DGKB: variants seen among roughly 807,000 people sequenced by gnomAD.
DGKB encodes the protein 90 kDa diacylglycerol kinase.
DGKB carries 67 observed loss-of-function variants against 114.3 expected under a neutral mutation model. That is an observed-to-expected ratio of 0.59 (90% CI 0.48 to 0.72). The LOEUF (loss-of-function observed/expected upper bound fraction) is 0.72. Among genes scored for constraint, DGKB ranks in the 30% least tolerant of loss-of-function variants. The pLI, the probability that DGKB is intolerant of heterozygous loss-of-function variation, is 0.00. For missense variants in DGKB, 907 were observed against 975.2 expected, an observed-to-expected ratio of 0.93 and a Z score of 0.93; for synonymous variants, 398 against 323.1, an observed-to-expected ratio of 1.23 and a Z score of -2.49.
intron 23 of DGKB, among the ~76,000 whole-genome samples, chr7:14,279,153 C>T (rs953692794): frequency 2.6e-5 from 4 of 152,194 alleles, no homozygotes; most frequent in African/African-American, 7.2e-5. Context: ...CACTCCCACC[C>T]GAATACTGCG....
At chr7:14,752,863 G>A (rs1256934700) in intron 4 of DGKB, among the ~76,000 whole-genome samples, 1 of 152,082 alleles carries the variant, frequency 6.6e-6, no homozygotes, top group East Asian at 1.9e-4. Flanking sequence ...TAGAGTAAAT[G>A]AAAACAAATC....
chr7:14,179,743 T>C (rs1010315863), intron 23 of DGKB, among the ~76,000 whole-genome samples: 1 of 152,214 alleles, frequency 6.6e-6, no homozygotes, highest in Non-Finnish European at 1.5e-5. Flanking sequence ...ACCAAACTTT[T>C]AAGTGAATAA....
intron 23 of DGKB, among the ~76,000 whole-genome samples, chr7:14,233,176 C>T (rs1394858574): frequency 6.6e-6 from 1 of 152,000 alleles, no homozygotes; most frequent in Non-Finnish European, 1.5e-5. Context: ...TAAGAAGGGA[C>T]TTGCCTTAAG....
intron 20 of DGKB, among the ~76,000 whole-genome samples, chr7:14,538,629 G>C (rs1217734224): frequency 1.3e-5 from 2 of 152,068 alleles, no homozygotes; most frequent in African/African-American, 4.8e-5. Flanking sequence ...TCCCACTTTT[G>C]AATATGTATC....
At chr7:14,890,446 T>A (rs984538293) in intron 1 of DGKB, among the ~76,000 whole-genome samples, 2 of 151,424 alleles carry the variant, frequency 1.3e-5, no homozygotes, top group African/African-American at 2.4e-5. Context: ...TCTCATTAGA[T>A]AATATTTACT....
chr7:14,448,330 A>C (rs1276414456), intron 21 of DGKB, among the ~76,000 whole-genome samples: 1 of 152,038 alleles, frequency 6.6e-6, no homozygotes, highest in Non-Finnish European at 1.5e-5. Context: ...TCTCATGTGT[A>C]ATTTGGGGGT....
chr7:14,529,221 G>A (rs962896744), intron 20 of DGKB, among the ~76,000 whole-genome samples: 1 of 151,942 alleles, frequency 6.6e-6, no homozygotes, highest in African/African-American at 2.4e-5. Context: ...TTCATTTGAT[G>A]TAGGCTGAAT....
chr7:14,841,098 A>T, intron 2 of DGKB, 96 bp downstream of exon 2: 1 of 1,121,870 alleles, frequency 8.9e-7, no homozygotes, highest in Non-Finnish European at 1.3e-6. Context: ...ATCTATCCCC[A>T]TGAAGAACAG....
intron 12 of DGKB, among the ~76,000 whole-genome samples, chr7:14,678,830 C>A (rs1049401989): frequency 9.9e-5 from 15 of 151,824 alleles, no homozygotes; most frequent in African/African-American, 3.4e-4. Flanking sequence ...AATGTGGAGA[C>A]AAAACCTCAA....
rs17360504 is a variant in DGKB at position 14,805,057 on chromosome 7, G to A, written c.70+36137C>T. On this transcript the variant is annotated intron_variant, in intron 2 of 25. Coordinates refer to ENST00000402815, the MANE Select transcript of DGKB (RefSeq NM_001350709.2). ...CTTTGATGTTTTAGGCACATTTTGA[G>A]TAGAAGATGTTCTTCTCCTTGTATT... is the stretch of plus-strand genomic sequence containing the variant. Among the ~76,000 whole-genome samples, 1,192 of 152,098 alleles carry A rather than the reference G, an allele frequency of 7.8e-3. 10 individuals are homozygous for A. Among genetic ancestry groups the A allele is most frequent in the Non-Finnish European group, 0.013 (874 of 67,964 alleles).
At chr7:14,666,818 G>A (rs1818110190) in intron 13 of DGKB, among the ~76,000 whole-genome samples, 1 of 151,728 alleles carries the variant, frequency 6.6e-6, no homozygotes, top group Non-Finnish European at 1.5e-5. Context: ...CACAGTCATG[G>A]GAAAATCTTG....
intron 20 of DGKB, among the ~76,000 whole-genome samples, chr7:14,506,297 G>C (rs1042456857): frequency 1.3e-5 from 2 of 152,116 alleles, no homozygotes; most frequent in Non-Finnish European, 1.5e-5. Context: ...TGCAAGTCCA[G>C]ACCTTCATAT....
chr7:14,938,028 A>G (rs1325847671), intron 1 of DGKB, among the ~76,000 whole-genome samples: 1 of 152,184 alleles, frequency 6.6e-6, no homozygotes, highest in Non-Finnish European at 1.5e-5. Context: ...TTATATTTAA[A>G]TATTTTGTTG....
At chr7:14,188,292 T>A (rs79561314) in intron 23 of DGKB, among the ~76,000 whole-genome samples, 16,727 of 152,028 alleles carry the variant, frequency 0.11, 1,053 homozygotes, top group Admixed American at 0.19. Context: ...CACAGAAAAT[T>A]TATTTAACGA....
rs989040288 is a variant in DGKB at position 14,667,096 on chromosome 7, T to A, written c.1134+5833A>T. On this transcript the variant is annotated intron_variant, in intron 13 of 25. Coordinates refer to ENST00000402815, the MANE Select transcript of DGKB (RefSeq NM_001350709.2). ...ATGCATGCTTATAAAAAGCATTTCATCAGTGCAGAGGAGATGCTTACCTTG... is the reference window on the plus strand; with the variant it reads ...ATGCATGCTTATAAAAAGCATTTCAACAGTGCAGAGGAGATGCTTACCTTG... Among the ~76,000 whole-genome samples, 13 of 152,168 alleles carry A rather than the reference T, an allele frequency of 8.5e-5. 1 individual carries two copies. The South Asian group carries it at 2.3e-3, about 27-fold the overall frequency.
intron 21 of DGKB, among the ~76,000 whole-genome samples, chr7:14,368,147 GCA>G (rs918130392): frequency 6.7e-6 from 1 of 148,774 alleles, no homozygotes; most frequent in African/African-American, 2.5e-5. Flanking sequence ...CCCCACATAT[GCA>G]CAGTCCCCCC....
chr7:14,745,374 C>T (rs1203679646), intron 4 of DGKB, among the ~76,000 whole-genome samples: 2 of 152,072 alleles, frequency 1.3e-5, no homozygotes, highest in Non-Finnish European at 2.9e-5. Context: ...GATCAGTCTT[C>T]GTCCCTATTC....
intron 2 of DGKB, among the ~76,000 whole-genome samples, chr7:14,797,418 A>C (rs1338203941): frequency 6.6e-6 from 1 of 152,168 alleles, no homozygotes; most frequent in African/African-American, 2.4e-5. Context: ...ATTCACTCAC[A>C]AATATACTTC....
At chr7:14,875,838 G>A (rs1440705819) in intron 1 of DGKB, among the ~76,000 whole-genome samples, 1 of 151,840 alleles carries the variant, frequency 6.6e-6, no homozygotes, top group Non-Finnish European at 1.5e-5. Context: ...TTGTGTCGTT[G>A]TGGTTCATCA....
Sources: allele counts gnomAD v4.1 joint callset (sites outside exome capture counted in the v4.1 genomes callset), GRCh38; gene constraint gnomAD v4.1.1; transcripts MANE v1.5; gene names NCBI Gene and HGNC (gene_info 2026-07-23, HGNC 2026-07-21).